The following ESRRG variants were observed in gnomAD, a reference collection of about 807,000 sequenced individuals.
The protein encoded by ESRRG is estrogen related receptor gamma.
A neutral mutation model predicts 44.0 loss-of-function variants in ESRRG; 13 were observed. That is an observed-to-expected ratio of 0.30 (90% CI 0.19 to 0.47). ESRRG has a LOEUF of 0.47. Ranked by LOEUF, ESRRG falls within the 20% of genes least tolerant of loss-of-function variation. ESRRG has a pLI of 1.00. For synonymous variants in ESRRG, 215 were observed against 214.6 expected (o/e 1.00, Z -0.02); for missense variants, 395 against 580.6 (o/e 0.68, Z 3.29).
intron 2 of ESRRG, among the ~76,000 whole-genome samples, chr1:216,888,467 A>C (rs897054130): frequency 2.0e-5 from 3 of 152,184 alleles, no homozygotes; most frequent in African/African-American, 7.2e-5. Flanking sequence ...CTTAGGCTTT[A>C]TAATAACAAG....
chr1:216,615,435 T>C (rs2061291286), intron 3 of ESRRG, among the ~76,000 whole-genome samples: 2 of 152,198 alleles, frequency 1.3e-5, no homozygotes, highest in African/African-American at 4.8e-5. Context: ...TAGGGCTTGT[T>C]TACACATGTT....
intron 2 of ESRRG, among the ~76,000 whole-genome samples, chr1:216,854,826 G>GA (rs11391128): frequency 0.47 from 70,555 of 151,666 alleles, 18,041 homozygotes; most frequent in African/African-American, 0.68. Context: ...CGGAAGGCAA[G>GA]AAAAAAAAAT....
At chr1:216,779,003 T>A (rs2093718729) in intron 2 of ESRRG, among the ~76,000 whole-genome samples, 1 of 148,968 alleles carries the variant, frequency 6.7e-6, no homozygotes, top group South Asian at 2.1e-4. Flanking sequence ...ATGTCAATGC[T>A]GAAACAATGC....
At chr1:216,638,614 G>A (rs144345895) in intron 3 of ESRRG, among the ~76,000 whole-genome samples, 5 of 152,166 alleles carry the variant, frequency 3.3e-5, no homozygotes, top group Admixed American at 1.3e-4. Context: ...GAATATAAAC[G>A]CTGGTGAAAT....
intron 1 of ESRRG, among the ~76,000 whole-genome samples, chr1:216,943,595 T>C (rs952992065): frequency 6.6e-5 from 10 of 152,210 alleles, no homozygotes; most frequent in Non-Finnish European, 1.0e-4. Flanking sequence ...TATCTTACTG[T>C]GAGGGTTTAC....
chr1:216,575,513 T>C lies in ESRRG; in HGVS notation c.590-7415A>G, dbSNP rs11572756. 4.1e-3 allele frequency among the ~76,000 whole-genome samples: 619 copies of C among 152,238 alleles called. 5 individuals are homozygous for C. Among genetic ancestry groups the C allele is most frequent in the Middle Eastern group, 0.01 (3 of 294 alleles). On this transcript the variant is annotated intron_variant, in intron 3 of 6. Transcript: ENST00000408911. ...CCGGTGACTAGCAGTCATTGGTTAT[T>C]GAGAACTTATCATGTGCTAGGCAAC... is the stretch of plus-strand genomic sequence containing the variant.
At chr1:216,585,512 G>GAA (rs11320052) in intron 3 of ESRRG, among the ~76,000 whole-genome samples, 2 of 148,174 alleles carry the variant, frequency 1.3e-5, no homozygotes, top group African/African-American at 4.9e-5. Flanking sequence ...AATATTCACT[G>GAA]AAAAAAAAAA....
intron 5 of ESRRG, among the ~76,000 whole-genome samples, chr1:216,526,133 T>C (rs2047577032): frequency 6.6e-6 from 1 of 152,014 alleles, no homozygotes; most frequent in African/African-American, 2.4e-5. Context: ...GAGAGGATAG[T>C]GAGGGGAACT....
intron 5 of ESRRG, among the ~76,000 whole-genome samples, chr1:216,543,600 A>C (rs781009761): frequency 5.3e-5 from 8 of 152,048 alleles, no homozygotes; most frequent in Admixed American, 6.6e-5. Flanking sequence ...TGGAATTTCA[A>C]CATGTACTAT....
rs148865528 is a variant in ESRRG at position 217,106,850 on chromosome 1, C to A, written c.-230+30817G>T. Among the ~76,000 whole-genome samples the A allele has an allele frequency of 3.5e-4, 54 of 152,328 alleles. 2 individuals are homozygous for A. The East Asian group carries it at 0.01, about 28-fold the overall frequency. Reference sequence around the variant, plus strand: ...TAAAGTGAGCATCGCCGTAAAAATTCTTCATGGCAAACAATAGATTCTGCC... The same window carrying A: ...TAAAGTGAGCATCGCCGTAAAAATTATTCATGGCAAACAATAGATTCTGCC... On this transcript the variant is annotated intron_variant, in intron 1 of 8. Transcript: ENST00000366940.
At chr1:216,549,231 G>A (rs2055505992) in intron 5 of ESRRG, among the ~76,000 whole-genome samples, 1 of 152,014 alleles carries the variant, frequency 6.6e-6, no homozygotes, top group Non-Finnish European at 1.5e-5. Context: ...GTAAGGCTAA[G>A]ACCAAAAAGA....
chr1:216,572,370 A>G (rs2060967301), intron 3 of ESRRG, among the ~76,000 whole-genome samples: 1 of 152,158 alleles, frequency 6.6e-6, no homozygotes, highest in Non-Finnish European at 1.5e-5. Flanking sequence ...ACAGTCCAAA[A>G]TATGTATTCA....
Position 217,088,516 on chromosome 1 carries a change from T to G in ESRRG, c.-106+991A>C, listed in dbSNP as rs534285194. ...CTTTCTGTGTGTGTCTGTGTCTTAT[T>G]GCATGGCCACTGGTTCTGGTACTAC... is the stretch of plus-strand genomic sequence containing the variant. On this transcript the variant is annotated intron_variant, in intron 1 of 7. Coordinates refer to the ESRRG transcript ENST00000359162. 4.0e-5 allele frequency among the ~76,000 whole-genome samples: 6 copies of G among 150,952 alleles called. No homozygotes were observed. In the Admixed American group the frequency reaches 4.0e-4, roughly 10 times the overall value.
In ESRRG at chr1:216,698,518, CA is replaced by C. The variant is rs34454248; in HGVS notation, c.57-21028del. On this transcript the variant is annotated intron_variant, in intron 1 of 6. Transcript: ENST00000408911. ...TGGGCGACTGAGCAAGACTCAGTCT[CA>C]AAAAAAAAAAAAAAAAAAAAAATTT... Among the ~76,000 whole-genome samples the C allele has an allele frequency of 4.1e-3, 301 of 73,862 alleles. 1 individual carries two copies. Among genetic ancestry groups the C allele is most frequent in the African/African-American group, 0.013 (218 of 16,896 alleles). 48.5% of individuals were successfully genotyped at this position (73,862 alleles called of 152,430 possible).
At chr1:216,907,018 T>C (rs1227100190) in intron 2 of ESRRG, among the ~76,000 whole-genome samples, 3 of 152,192 alleles carry the variant, frequency 2.0e-5, no homozygotes, top group Non-Finnish European at 4.4e-5. Flanking sequence ...TGTGTGGACA[T>C]GTGCATTAAT....
chr1:217,093,796 A>T (rs908704440), upstream of ESRRG, among the ~76,000 whole-genome samples: 1 of 151,036 alleles, frequency 6.6e-6, no homozygotes, highest in Non-Finnish European at 1.5e-5. Context: ...AAAAAAAAAC[A>T]CACACACACA....
chr1:216,526,443 G>A (rs1297621350), intron 5 of ESRRG, among the ~76,000 whole-genome samples: 2 of 152,122 alleles, frequency 1.3e-5, no homozygotes, highest in African/African-American at 2.4e-5. Flanking sequence ...TACAAGCCAA[G>A]GGATGCTTGA....
chr1:216,733,960 T>TCAACAGAG (rs2089373181), intron 2 of ESRRG, among the ~76,000 whole-genome samples: 4 of 136,288 alleles, frequency 2.9e-5, no homozygotes, highest in Non-Finnish European at 6.1e-5. Context: ...TCCAGCCCGG[T>TCAACAGAG]CAACAGAGCA....
At chr1:216,709,812 A>C (rs1477990105) in intron 1 of ESRRG, among the ~76,000 whole-genome samples, 1 of 152,096 alleles carries the variant, frequency 6.6e-6, no homozygotes, top group Non-Finnish European at 1.5e-5. Context: ...AACACACAAA[A>C]AAATCTTAGA....
Sources: gnomAD v4.1 joint callset for allele counts (sites outside exome capture counted in the v4.1 genomes callset) on GRCh38, gnomAD v4.1.1 for gene constraint, MANE v1.5 for transcripts, NCBI Gene and HGNC (gene_info 2026-07-23, HGNC 2026-07-21) for gene names.